The following STIM1 variants were observed in gnomAD, a reference collection of about 807,000 sequenced individuals.
STIM1 encodes the protein stromal interaction molecule 1.
Under a neutral mutation model 74.7 loss-of-function variants are expected in STIM1, and 25 were observed. That is an observed-to-expected ratio of 0.33 (90% confidence interval 0.24 to 0.47). STIM1 has a LOEUF of 0.47. Among genes scored for constraint, STIM1 ranks in the 20% least tolerant of loss-of-function variants. The pLI, the probability that STIM1 is intolerant of heterozygous loss-of-function variation, is 1.00. For missense variants in STIM1, 728 were observed against 920.8 expected, an observed-to-expected ratio of 0.79 and a Z score of 2.71; for synonymous variants, 328 against 348.8, an observed-to-expected ratio of 0.94 and a Z score of 0.66.
At chr11:4,012,043 GTGTT>G (rs1245741299) in intron 2 of STIM1, among the ~76,000 whole-genome samples, 2 of 152,142 alleles carry the variant, frequency 1.3e-5, no homozygotes, top group Non-Finnish European at 2.9e-5. Flanking sequence ...TAGATGTGTG[GTGTT>G]ATTTCTGAGG....
intron 3 of STIM1, among the ~76,000 whole-genome samples, chr11:4,039,056 A>C (rs1323633838): frequency 1.3e-5 from 2 of 152,194 alleles, no homozygotes; most frequent in Non-Finnish European, 2.9e-5. Flanking sequence ...GTGTAGGAGT[A>C]GCGATAAGCT....
intron 2 of STIM1, among the ~76,000 whole-genome samples, chr11:4,001,514 T>A (rs2135909159): frequency 6.6e-6 from 1 of 152,222 alleles, no homozygotes. Context: ...AGAAATAAAA[T>A]ACTTTACAGA....
chr11:3,967,725 T>C (rs2093353139), intron 2 of STIM1, 43 bp downstream of exon 2: 1 of 1,613,390 alleles, frequency 6.2e-7, no homozygotes, highest in Admixed American at 1.7e-5. Context: ...TCTTCCTGTG[T>C]GAATTAGTCT....
At chr11:3,998,379 T>G (rs2093681511) in intron 2 of STIM1, among the ~76,000 whole-genome samples, 1 of 152,202 alleles carries the variant, frequency 6.6e-6, no homozygotes, top group African/African-American at 2.4e-5. Flanking sequence ...TTCTTTTAGA[T>G]AGGCTGACAA....
intron 2 of STIM1, among the ~76,000 whole-genome samples, chr11:3,975,417 G>C (rs957829433): frequency 2.0e-5 from 3 of 152,212 alleles, no homozygotes; most frequent in African/African-American, 7.2e-5. Context: ...AGGAGTTTGA[G>C]ACCAGCTTGG....
chr11:4,064,379 C>A (rs912740985), intron 5 of STIM1, among the ~76,000 whole-genome samples: 4 of 152,104 alleles, frequency 2.6e-5, no homozygotes, highest in Admixed American at 6.5e-5. Flanking sequence ...CAGTTCTATT[C>A]TTTAATACCC....
chr11:3,869,129 C>T (rs1258927889), intron 1 of STIM1, among the ~76,000 whole-genome samples: 5 of 152,072 alleles, frequency 3.3e-5, no homozygotes, highest in Non-Finnish European at 5.9e-5. Flanking sequence ...CCACCATGCT[C>T]GGTTAATTTT....
intron 1 of STIM1, among the ~76,000 whole-genome samples, chr11:3,930,279 G>A (rs1462213195): frequency 1.3e-5 from 2 of 152,184 alleles, no homozygotes; most frequent in Non-Finnish European, 2.9e-5. Context: ...TTACAGAGGA[G>A]ATGACTAAAA....
intron 3 of STIM1, among the ~76,000 whole-genome samples, chr11:4,032,202 G>A (rs1359371130): frequency 6.6e-6 from 1 of 152,124 alleles, no homozygotes; most frequent in East Asian, 1.9e-4. Flanking sequence ...GAGTGCAGTA[G>A]CATACACTGT....
chr11:3,869,466 G>T (rs1430487620), intron 1 of STIM1, among the ~76,000 whole-genome samples: 2 of 152,208 alleles, frequency 1.3e-5, no homozygotes, highest in African/African-American at 4.8e-5. Context: ...TGTAGAGGAG[G>T]TAGCAGCTTA....
rs186351226 is a variant in STIM1 at position 4,051,731 on chromosome 11, C to G, written c.386-3795C>G. On this transcript the variant is annotated intron_variant, in intron 3 of 12. Transcript: ENST00000526596. ...GCGTGATCATGGCTCTCTGCAGGCTCAATCTCCCAGGCTCAAGTGATCCTC... is the reference window on the plus strand; with the variant it reads ...GCGTGATCATGGCTCTCTGCAGGCTGAATCTCCCAGGCTCAAGTGATCCTC... 2.6e-4 allele frequency among the ~76,000 whole-genome samples: 40 copies of G among 152,228 alleles called. 1 individual carries two copies. The East Asian group carries it at 7.7e-3, about 29-fold the overall frequency.
intron 1 of STIM1, among the ~76,000 whole-genome samples, chr11:3,967,324 C>T (rs551605864): frequency 1.3e-5 from 2 of 152,294 alleles, no homozygotes; most frequent in South Asian, 4.1e-4. Context: ...CAAGACTTCC[C>T]TGCCAAGAAA....
At chr11:3,937,314 T>TAAA (rs1554959013) in intron 1 of STIM1, among the ~76,000 whole-genome samples, 1 of 148,938 alleles carries the variant, frequency 6.7e-6, no homozygotes, top group Non-Finnish European at 1.5e-5. Context: ...ATAATAATAA[T>TAAA]AATAAAATAT....
intron 1 of STIM1, among the ~76,000 whole-genome samples, chr11:3,897,458 G>C (rs2092216208): frequency 6.6e-6 from 1 of 152,118 alleles, no homozygotes; most frequent in African/African-American, 2.4e-5. Context: ...TGGAATAGCA[G>C]TACCTTTATA....
intron 1 of STIM1, among the ~76,000 whole-genome samples, chr11:3,887,066 T>G (rs1590528172): frequency 6.7e-6 from 1 of 148,556 alleles, no homozygotes; most frequent in South Asian, 2.1e-4. Context: ...TATCCAGAGG[T>G]GAAACAAACA....
At chr11:3,878,116 G>A (rs1257769817) in intron 1 of STIM1, among the ~76,000 whole-genome samples, 1 of 152,184 alleles carries the variant, frequency 6.6e-6, no homozygotes, top group Non-Finnish European at 1.5e-5. Flanking sequence ...ATCAGTAAGG[G>A]TCCTGGCTGT....
intron 2 of STIM1, chr11:3,972,999 A>G (rs893541188): frequency 1.8e-5 from 9 of 507,802 alleles, no homozygotes; most frequent in African/African-American, 1.6e-4. Flanking sequence ...CACTGCCACC[A>G]ACAAAGCTGC....
intron 2 of STIM1, among the ~76,000 whole-genome samples, chr11:4,016,817 G>A (rs1019213979): frequency 1.3e-5 from 2 of 152,218 alleles, no homozygotes; most frequent in Non-Finnish European, 2.9e-5. Context: ...GTCCCGGGTC[G>A]ATCTCAGACT....
intron 1 of STIM1, among the ~76,000 whole-genome samples, chr11:3,941,671 T>TAGAGAGAGAGAGAGAG (rs1372399472): frequency 1.3e-5 from 1 of 76,102 alleles, no homozygotes. Flanking sequence ...TATATATATA[T>TAGAGAGAGAGAGAGAG]ATAGAGAGAG....
Sources: allele counts gnomAD v4.1 joint callset (sites outside exome capture counted in the v4.1 genomes callset), GRCh38; gene constraint gnomAD v4.1.1; transcripts MANE v1.5; gene names NCBI Gene and HGNC (gene_info 2026-07-23, HGNC 2026-07-21).